ARSG: variants seen among roughly 807,000 people sequenced by gnomAD.
The protein encoded by ARSG is arylsulfatase G.
A neutral mutation model predicts 50.5 loss-of-function variants in ARSG; 37 were observed. The observed-to-expected ratio is 0.73, with a 90% CI of 0.56 to 0.96. The LOEUF (loss-of-function observed/expected upper bound fraction) is 0.96, where lower values mean the gene tolerates loss of function less well. Ranked by LOEUF, ARSG falls within the 50% of genes least tolerant of loss-of-function variation. The pLI is 0.00. For synonymous variants in ARSG, 225 were observed against 254.6 expected, an observed-to-expected ratio of 0.88 and a Z score of 1.11; for missense variants, 629 against 675.3, an observed-to-expected ratio of 0.93 and a Z score of 0.76.
At chr17:68,379,789 T>C (rs2080341187) in intron 8 of ARSG, 1 of 984,250 alleles carries the variant, frequency 1.0e-6, no homozygotes, top group African/African-American at 1.7e-5. Flanking sequence ...TGAAAAACAC[T>C]AGGCATGCCC....
intron 2 of ARSG, among the ~76,000 whole-genome samples, chr17:68,325,000 A>C (rs1447542887): frequency 6.6e-6 from 1 of 152,086 alleles, no homozygotes; most frequent in Non-Finnish European, 1.5e-5. Flanking sequence ...GCTTGAGGGC[A>C]GGGATTTGTC....
At chr17:68,347,284 A>G (rs1425358305) in intron 4 of ARSG, 112 bp downstream of exon 4, 1 of 1,268,294 alleles carries the variant, frequency 7.9e-7, no homozygotes, top group East Asian at 2.4e-5. Flanking sequence ...CTAAGTTAGG[A>G]CATCTTTGTT....
intron 8 of ARSG, among the ~76,000 whole-genome samples, chr17:68,374,820 A>G (rs1398791670): frequency 6.7e-6 from 1 of 149,996 alleles, no homozygotes; most frequent in Non-Finnish European, 1.5e-5. Flanking sequence ...GCACCACTGC[A>G]CTCCAGCCTG....
At chr17:68,311,800 C>CTTTTTTT (rs36097952) in intron 2 of ARSG, among the ~76,000 whole-genome samples, 1 of 116,388 alleles carries the variant, frequency 8.6e-6, no homozygotes, top group Non-Finnish European at 1.7e-5. Context: ...CTGTACTGTA[C>CTTTTTTT]TTTTTTTTTT....
chr17:68,356,688 C>T lies in ARSG; in HGVS notation c.588C>T (p.Tyr196=). The T allele has an allele frequency of 6.2e-7, 1 of 1,614,222 alleles. No individual in the cohort carries two copies. The highest frequency in any genetic ancestry group is 1.3e-5 in the African/African-American group (1 of 75,066). ...GPSRNLQRDC[Y]TDVALPLYEN... is the part of the protein sequence containing the mutation. Reference sequence around the variant, plus strand: ...ACAGGAACCTTCAAAGAGACTGTTACACTGACGTGGCCCTCCCTCTTTATG... The same window carrying T: ...ACAGGAACCTTCAAAGAGACTGTTATACTGACGTGGCCCTCCCTCTTTATG... The change falls in exon 6 of 12, where the codon TAC becomes TAT. Residue 196 remains tyrosine, a synonymous_variant. Transcript: ENST00000621439.
chr17:68,305,194 G>A (rs538298623), intron 1 of ARSG, among the ~76,000 whole-genome samples: 1 of 152,264 alleles, frequency 6.6e-6, no homozygotes, highest in Non-Finnish European at 1.5e-5. Flanking sequence ...AAGTGAACTA[G>A]AGCTAATCTA....
At chr17:68,259,895 G>A (rs1341575186) in intron 1 of ARSG, among the ~76,000 whole-genome samples, 2 of 152,168 alleles carry the variant, frequency 1.3e-5, no homozygotes, top group South Asian at 2.1e-4. Flanking sequence ...AGGAGAGGAA[G>A]GCTTATTTCA....
intron 2 of ARSG, among the ~76,000 whole-genome samples, chr17:68,329,711 C>G (rs111846262): frequency 8.1e-4 from 123 of 152,214 alleles, no homozygotes; most frequent in Non-Finnish European, 3.8e-4. Flanking sequence ...AGGGACTAAT[C>G]GCAGGGGTGT....
intron 1 of ARSG, among the ~76,000 whole-genome samples, chr17:68,296,232 C>T (rs1240916384): frequency 2.0e-5 from 3 of 152,072 alleles, no homozygotes; most frequent in Non-Finnish European, 2.9e-5. Context: ...TGGATTTTGC[C>T]CCGATCGAGT....
chr17:68,325,394 T>C (rs1371607598), intron 2 of ARSG, among the ~76,000 whole-genome samples: 1 of 151,800 alleles, frequency 6.6e-6, no homozygotes, highest in African/African-American at 2.4e-5. Context: ...TTATGGTGAG[T>C]TGTGTAATTA....
rs71293553 is a variant in ARSG, at chr17:68,381,961, C to CTTTTTTT, written c.983-3096_983-3090dup. Among the ~76,000 whole-genome samples the CTTTTTTT allele has an allele frequency of 3.9e-3, 551 of 142,576 alleles. 9 individuals are homozygous for CTTTTTTT. The highest frequency in any genetic ancestry group is 0.012 in the African/African-American group (461 of 39,104). The allele number at this position is 142,576 out of a possible 152,430, so 93.5% of individuals were successfully genotyped here. On this transcript the variant is annotated intron_variant, in intron 8 of 11. Coordinates refer to ENST00000621439, the MANE Select transcript of ARSG (RefSeq NM_001267727.2). This position sits in a 1 kb window ranked among gnomAD's most constrained non-coding sequence, Gnocchi z 4.1. The stretch of plus-strand genomic sequence containing the variant: ...TTGGCTCTATCATTTTCTTTCTTTC[C>CTTTTTTT]TTTTTTTTTTTTTGACAGAGTCTCT...
Position 68,360,488 on chromosome 17 carries a change from T to A in ARSG, c.704+3684T>A, listed in dbSNP as rs202085158. 4.6e-5 allele frequency among the ~76,000 whole-genome samples: 7 copies of A among 152,266 alleles called. No individual in the cohort carries two copies. In the East Asian group the frequency reaches 9.7e-4, roughly 21 times the overall value. The stretch of plus-strand genomic sequence containing the variant: ...GGGACTTAGGGAGTTTTTACTTGGG[T>A]CTTTAGTTGGCTTTAGTGTTTCACC... On this transcript the variant is annotated intron_variant, in intron 6 of 11. Transcript: ENST00000621439.
chr17:68,420,187 A>C lies in ARSG; in HGVS notation c.1304-2A>C. ...AGGCATTTGTTGTCATTCCCTCTCT[A>C]GGTGGAGCCAGGGCGTGTGATGGGA... On this transcript the variant is annotated splice_acceptor_variant, in intron 11 of 11. Transcript: ENST00000621439. LOFTEE classifies it high-confidence loss of function. 6.2e-7 allele frequency: 1 copy of C among 1,613,202 alleles called. No individual in the cohort carries two copies. The highest frequency in any genetic ancestry group is 8.5e-7 in the Non-Finnish European group (1 of 1,179,710).
Position 68,376,276 on chromosome 17 carries a change from C to CGTTTTTTTTTTTTTTTTTTTTTTTTTTT in ARSG, c.982+5752_982+5753insGTTTTTTTTTTTTTTTTTTTTTTTTTTT, listed in dbSNP as rs149045241. Among the ~76,000 whole-genome samples, 2 of 131,944 alleles carry CGTTTTTTTTTTTTTTTTTTTTTTTTTTT rather than the reference C, an allele frequency of 1.5e-5. 1 individual carries two copies. 86.6% of individuals were successfully genotyped at this position (131,944 alleles called of 152,430 possible). A position where few individuals can be genotyped will look rare whatever the true frequency, so the allele number is the denominator to read the frequency against. ...CAGGAGTGTGCCACTGCGCCCCCTG[C>CGTTTTTTTTTTTTTTTTTTTTTTTTTTT]ATTTTTTTTTTTTTTTCTGAGATAG... On this transcript the variant is annotated intron_variant, in intron 8 of 11. Transcript: ENST00000621439.
At chr17:68,436,836 A>C in the ARSG span, among the ~76,000 whole-genome samples, 1 of 152,000 alleles carries the variant, frequency 6.6e-6, no homozygotes, top group Admixed American at 6.6e-5. Context: ...ATCTCTACTA[A>C]AAATACAAAT....
At chr17:68,450,647 A>T in the ARSG span, 7 of 1,503,474 alleles carry the variant, frequency 4.7e-6, no homozygotes, top group Non-Finnish European at 6.3e-6. Flanking sequence ...TTTTACAGAC[A>T]TTGATCTTGA....
At chr17:68,450,793 T>C in the ARSG span, 1 of 1,614,062 alleles carries the variant, frequency 6.2e-7, no homozygotes, top group Non-Finnish European at 8.5e-7. Context: ...TCTGTGCCTT[T>C]CTTGAAGTGA....
chr17:68,407,163 G>A (rs923899697), intron 11 of ARSG, among the ~76,000 whole-genome samples: 2 of 152,238 alleles, frequency 1.3e-5, no homozygotes, highest in South Asian at 2.1e-4. Context: ...TGGCTTTGTC[G>A]AAGATCAGCT....
At chr17:68,346,507 G>GA (rs2078511649) in intron 3 of ARSG, among the ~76,000 whole-genome samples, 1 of 152,204 alleles carries the variant, frequency 6.6e-6, no homozygotes, top group African/African-American at 2.4e-5. Context: ...CCTCAGAGCG[G>GA]AAGAGCAGAT....
Sources: gnomAD v4.1 joint callset for allele counts (sites outside exome capture counted in the v4.1 genomes callset) on GRCh38, gnomAD v4.1.1 for gene constraint, Gnocchi (gnomAD v3.1) non-coding constraint, MANE v1.5 for transcripts, NCBI Gene and HGNC (gene_info 2026-07-23, HGNC 2026-07-21) for gene names.